Variants in FOXN3 observed in about 807,000 individuals in gnomAD.
FOXN3 encodes the protein forkhead box protein N3.
FOXN3 carries 7 observed loss-of-function variants against 38.4 expected under a neutral mutation model. The ratio of observed to expected loss-of-function variants is 0.18; its 90% CI spans 0.10 to 0.34. FOXN3 has a LOEUF of 0.34. FOXN3 is among the 10% of genes least tolerant of loss of function. FOXN3 has a pLI of 1.00. For missense variants in FOXN3, 456 were observed against 613.4 expected, an observed-to-expected ratio of 0.74 and a Z score of 2.71; for synonymous variants, 230 against 242.2, an observed-to-expected ratio of 0.95 and a Z score of 0.47.
intron 3 of FOXN3, among the ~76,000 whole-genome samples, chr14:89,329,623 C>T (rs1315689658): frequency 2.6e-5 from 4 of 152,084 alleles, no homozygotes; most frequent in East Asian, 1.9e-4. Context: ...TTTGGGAGGC[C>T]GAGGCGGGCG....
In FOXN3 at chr14:89,353,823, A is replaced by G. The variant is rs1889080764; in HGVS notation, c.544-3015T>C. The G allele has an allele frequency of 3.3e-5, 5 of 151,908 alleles. No homozygotes were observed. The South Asian group carries it at 1.0e-3, about 32-fold the overall frequency. The allele number at this position is 151,908 out of a possible 1,614,324, so 9.4% of individuals were successfully genotyped here. ...CGGCTCACTGCAACCTCACCCTCCC[A>G]GGTTCAAGTGATTCTCGTGCCTCAG... On this transcript the variant is annotated intron_variant, in intron 2 of 5. Coordinates refer to ENST00000557258, the MANE Select transcript of FOXN3 (RefSeq NM_005197.4).
intron 1 of FOXN3, among the ~76,000 whole-genome samples, chr14:89,497,404 CTTTTTTT>C (rs71107518): frequency 1.2e-5 from 1 of 86,906 alleles, no homozygotes. Context: ...GTATAAATAT[CTTTTTTT>C]TTTTTTTTTT....
intron 1 of FOXN3, among the ~76,000 whole-genome samples, chr14:89,526,939 A>C (rs766994129): frequency 1.3e-5 from 2 of 152,238 alleles, no homozygotes; most frequent in Non-Finnish European, 2.9e-5. Flanking sequence ...ACACTCACAT[A>C]TATTTGGTCA....
At chr14:89,404,281 G>A (rs375676727) in intron 2 of FOXN3, among the ~76,000 whole-genome samples, 4 of 151,610 alleles carry the variant, frequency 2.6e-5, no homozygotes, top group Non-Finnish European at 4.4e-5. Context: ...AGGCCGAGGC[G>A]GGCAGATCAC....
rs1895446847 is a variant in FOXN3, at chr14:89,569,534, G to A, written c.-15+49494C>T. On this transcript the variant is annotated intron_variant, in intron 1 of 6. Transcript: ENST00000345097. ...CAACTTAAAATGTATGGCTACTTTG[G>A]AGGTCTACCTGGACACACCACTGAC... 2.0e-5 allele frequency among the ~76,000 whole-genome samples: 3 copies of A among 152,196 alleles called. No homozygotes were observed. In the South Asian group the frequency reaches 6.2e-4, roughly 31 times the overall value.
At chr14:89,454,873 T>C (rs1892687284) in intron 1 of FOXN3, among the ~76,000 whole-genome samples, 1 of 152,230 alleles carries the variant, frequency 6.6e-6, no homozygotes, top group African/African-American at 2.4e-5. Flanking sequence ...TAACCCAAGG[T>C]CATCCTTATC....
chr14:89,579,357 T>C (rs545006357), intron 1 of FOXN3, among the ~76,000 whole-genome samples: 2 of 151,652 alleles, frequency 1.3e-5, no homozygotes, highest in East Asian at 3.9e-4. Context: ...GGTCTCACTA[T>C]GTTGCCCAGG....
Position 89,412,543 on chromosome 14 carries a change from G to A in FOXN3, c.-14-53C>T. On this transcript the variant is annotated intron_variant, in intron 1 of 5. Coordinates refer to ENST00000557258, the MANE Select transcript of FOXN3 (RefSeq NM_005197.4). The surrounding 1 kb of genome is among the most constrained non-coding windows in gnomAD (Gnocchi z 4.7). Reference sequence around the variant, plus strand: ...GAGCTGGCGAGGCCCAAAACAGAAAGGCAGACTGTACCCCTCTGATCCTGT... The same window carrying A: ...GAGCTGGCGAGGCCCAAAACAGAAAAGCAGACTGTACCCCTCTGATCCTGT... The A allele has an allele frequency of 6.8e-7, 1 of 1,470,248 alleles. No homozygotes were observed. The highest frequency in any genetic ancestry group is 1.8e-4 in the Middle Eastern group (1 of 5,408). 91.1% of individuals were successfully genotyped at this position (1,470,248 alleles called of 1,614,324 possible). A position where few individuals can be genotyped will look rare whatever the true frequency, so the allele number is the denominator to read the frequency against.
chr14:89,341,087 G>A lies in FOXN3; in HGVS notation c.680+9585C>T, dbSNP rs140098102. 5.1e-3 allele frequency among the ~76,000 whole-genome samples: 775 copies of A among 152,234 alleles called. 2 individuals carry two copies. Among genetic ancestry groups the A allele is most frequent in the Non-Finnish European group, 8.1e-3 (551 of 68,006 alleles). On this transcript the variant is annotated intron_variant, in intron 3 of 5. Coordinates refer to ENST00000557258, the MANE Select transcript of FOXN3 (RefSeq NM_005197.4). ...AAACAACATCTCAAGAGCTGGAAGC[G>A]ATAACCCTGCAGTTCTCCAGTAAGA...
chr14:89,227,898 C>T (rs918114708), intron 4 of FOXN3, among the ~76,000 whole-genome samples: 2 of 152,172 alleles, frequency 1.3e-5, no homozygotes, highest in Non-Finnish European at 2.9e-5. Flanking sequence ...CGGCCAACAA[C>T]CTTATGAGCT....
At chr14:89,377,307 G>A (rs1311288636) in intron 2 of FOXN3, among the ~76,000 whole-genome samples, 1 of 130,002 alleles carries the variant, frequency 7.7e-6, no homozygotes, top group Non-Finnish European at 1.6e-5. Flanking sequence ...ACTGGATGCT[G>A]GTAAAAAATA....
rs761249968 is a variant in FOXN3, at chr14:89,281,012, G to A, written c.683C>T (p.Thr228Ile). 3.1e-6 allele frequency: 5 copies of A among 1,613,242 alleles called. No homozygotes were observed. Among genetic ancestry groups the A allele is most frequent in the Non-Finnish European group, 4.2e-6 (5 of 1,179,764 alleles). Residue 228 changes from threonine (T) to isoleucine (I), a missense_variant and splice_region_variant, in exon 4 of 6, where the codon ACA becomes ATA. Thr to Ile is a moderately conservative substitution (Grantham distance 89). Transcript: ENST00000557258. ...GCCCGGCCAGATGGGTGGACCTGAT[G>A]TGCTGAAAGAGAAAAGAAACTAGCA... ...PPTCPQAYQS[T>I]SGPPIWPGST...
chr14:89,427,398 T>C (rs1239341182), intron 1 of FOXN3, among the ~76,000 whole-genome samples: 10 of 130,408 alleles, frequency 7.7e-5, no homozygotes, highest in Admixed American at 6.1e-4. Flanking sequence ...CTCCGCCTCC[T>C]GGGTTCAAGC....
At chr14:89,226,563 C>T (rs527368394) in intron 4 of FOXN3, among the ~76,000 whole-genome samples, 7 of 152,200 alleles carry the variant, frequency 4.6e-5, no homozygotes, top group African/African-American at 1.2e-4. Flanking sequence ...TTTATTTACT[C>T]GCTAGAGTAG....
intron 1 of FOXN3, among the ~76,000 whole-genome samples, chr14:89,615,269 G>A (rs1242117088): frequency 6.6e-6 from 1 of 152,046 alleles, no homozygotes; most frequent in Admixed American, 6.6e-5. Flanking sequence ...CTGGCATTTG[G>A]TTGGTATTCT....
At chr14:89,299,312 T>A (rs539388610) in intron 3 of FOXN3, among the ~76,000 whole-genome samples, 1 of 151,988 alleles carries the variant, frequency 6.6e-6, no homozygotes, top group Non-Finnish European at 1.5e-5. Flanking sequence ...TAAATGGGAG[T>A]TCCCCTGCTC....
At chr14:89,531,058 CAT>C (rs922055059) in intron 1 of FOXN3, among the ~76,000 whole-genome samples, 9 of 146,426 alleles carry the variant, frequency 6.1e-5, no homozygotes, top group Non-Finnish European at 1.2e-4. Context: ...TATATATACA[CAT>C]ATATATTATA....
intron 1 of FOXN3, among the ~76,000 whole-genome samples, chr14:89,571,007 A>ACATTTAAAT (rs1356461433): frequency 1.3e-5 from 2 of 152,214 alleles, no homozygotes; most frequent in African/African-American, 4.8e-5. Flanking sequence ...TTTAAATAAG[A>ACATTTAAAT]AAGGAGCACT....
chr14:89,539,330 A>C (rs1250858038), intron 1 of FOXN3, among the ~76,000 whole-genome samples: 2 of 152,236 alleles, frequency 1.3e-5, no homozygotes, highest in African/African-American at 2.4e-5. Context: ...TATAATGTGC[A>C]GTTTTGACCA....
Sources: gnomAD v4.1 joint callset for allele counts (sites outside exome capture counted in the v4.1 genomes callset) on GRCh38, gnomAD v4.1.1 for gene constraint, Gnocchi (gnomAD v3.1) non-coding constraint, MANE v1.5 for transcripts, NCBI Gene and HGNC (gene_info 2026-07-23, HGNC 2026-07-21) for gene names.